Variants in SLC26A7 observed in about 807,000 individuals in gnomAD.
SLC26A7 encodes solute carrier family 26 member 7, also known as anion exchange transporter.
SLC26A7 carries 59 observed loss-of-function variants against 82.5 expected under a neutral mutation model. The observed-to-expected ratio is 0.72, with a 90% confidence interval of 0.58 to 0.89. The LOEUF (loss-of-function observed/expected upper bound fraction) is 0.89, where lower values mean the gene tolerates loss of function less well. Ranked by LOEUF, SLC26A7 falls within the 40% of genes least tolerant of loss-of-function variation. The pLI is 0.00. For synonymous variants in SLC26A7, 271 were observed against 274.3 expected, an observed-to-expected ratio of 0.99 and a Z score of 0.12; for missense variants, 820 against 793.0, an observed-to-expected ratio of 1.03 and a Z score of -0.41.
At chr8:91,264,450 C>T (rs1391698067) in intron 2 of SLC26A7, among the ~76,000 whole-genome samples, 1 of 152,034 alleles carries the variant, frequency 6.6e-6, no homozygotes, top group Non-Finnish European at 1.5e-5. Flanking sequence ...TCATGGGAAC[C>T]TGCAGAATAG....
intron 13 of SLC26A7, among the ~76,000 whole-genome samples, chr8:91,365,124 T>G (rs1814155753): frequency 6.6e-6 from 1 of 151,888 alleles, no homozygotes; most frequent in African/African-American, 2.4e-5. Flanking sequence ...GATAATTTCT[T>G]TTCTAGAACA....
chr8:91,265,278 A>G (rs1811080693), intron 2 of SLC26A7, among the ~76,000 whole-genome samples: 1 of 151,914 alleles, frequency 6.6e-6, no homozygotes. Flanking sequence ...TTCTTTATTC[A>G]TTTGTCTGTT....
At chr8:91,339,684 C>G (rs1353787219) in intron 7 of SLC26A7, among the ~76,000 whole-genome samples, 1 of 150,246 alleles carries the variant, frequency 6.7e-6, no homozygotes, top group Non-Finnish European at 1.5e-5. Context: ...TTGGGTAAGT[C>G]TCCCAAAGAA....
intron 4 of SLC26A7, among the ~76,000 whole-genome samples, chr8:91,300,675 G>A (rs1812142278): frequency 6.6e-6 from 1 of 152,188 alleles, no homozygotes; most frequent in African/African-American, 2.4e-5. Flanking sequence ...GGGATTACAG[G>A]CGTGAGCCAC....
chr8:91,315,200 T>C (rs147323322), intron 4 of SLC26A7, among the ~76,000 whole-genome samples: 2,052 of 152,316 alleles, frequency 0.013, 15 homozygotes, highest in Non-Finnish European at 0.02. Flanking sequence ...ATAAATTCCA[T>C]GTATGCACAC....
chr8:91,260,407 T>G (rs1395989886), intron 2 of SLC26A7, among the ~76,000 whole-genome samples: 1 of 152,108 alleles, frequency 6.6e-6, no homozygotes, highest in Admixed American at 6.5e-5. Flanking sequence ...CAATTTGAGA[T>G]GAGATTTAGG....
chr8:91,371,030 G>A (rs1277906816), intron 15 of SLC26A7, among the ~76,000 whole-genome samples: 1 of 151,748 alleles, frequency 6.6e-6, no homozygotes, highest in Non-Finnish European at 1.5e-5. Flanking sequence ...TTTTAAAAAT[G>A]TTACTAATGG....
At chr8:91,354,766 A>C (rs984368563) in intron 11 of SLC26A7, among the ~76,000 whole-genome samples, 2 of 152,144 alleles carry the variant, frequency 1.3e-5, no homozygotes, top group Non-Finnish European at 2.9e-5. Flanking sequence ...CCACCAGTTC[A>C]TTATATAATG....
chr8:91,279,125 G>GTATA (rs55869816), intron 2 of SLC26A7, among the ~76,000 whole-genome samples: 4,738 of 110,342 alleles, frequency 0.043, 113 homozygotes, highest in East Asian at 0.075. Context: ...GTGTGTGTGT[G>GTATA]TATATATATA....
At chr8:91,215,977 A>G (rs1810038900) in intron 1 of SLC26A7, among the ~76,000 whole-genome samples, 1 of 152,226 alleles carries the variant, frequency 6.6e-6, no homozygotes, top group African/African-American at 2.4e-5. Flanking sequence ...ATGTTATGCA[A>G]ACATTACTAG....
At chr8:91,363,622 A>G (rs1381487483) in intron 13 of SLC26A7, 84 bp downstream of exon 13, 1 of 733,490 alleles carries the variant, frequency 1.4e-6, no homozygotes, top group Non-Finnish European at 2.2e-6. Flanking sequence ...AAAATTAGAT[A>G]AATTATGATA....
Position 91,343,433 on chromosome 8 carries a change from G to A in SLC26A7, c.1107G>A (p.Thr369=), listed in dbSNP as rs751800375. ...CIPSAAAMGR[T]AGLYSTGAKT... ...CAAGTGCTGCTGCCATGGGAAGGAC[G>A]GCTGGCCTGTACAGCACAGGAGCGA... The change falls in exon 9 of 19, where the codon ACG becomes ACA. Residue 369 remains threonine, a synonymous_variant. Transcript: ENST00000276609. 7 of 1,612,482 alleles carry A rather than the reference G, an allele frequency of 4.3e-6. No homozygotes were observed. The highest frequency in any genetic ancestry group is 3.3e-5 in the South Asian group (3 of 91,052).
intron 15 of SLC26A7, 83 bp from the exon 16 acceptor site, chr8:91,389,255 T>A: frequency 1.1e-6 from 1 of 887,832 alleles, no homozygotes; most frequent in Non-Finnish European, 1.9e-6. Context: ...ATGAGGCCAC[T>A]GTTACCCTCC....
In SLC26A7 at chr8:91,363,427, G is replaced by T. The variant is rs368324705; in HGVS notation, c.1422-45G>T. 4.7e-5 allele frequency: 57 copies of T among 1,217,152 alleles called. 1 individual carries two copies. Among genetic ancestry groups the T allele is most frequent in the Non-Finnish European group, 6.6e-5 (56 of 849,252 alleles). 75.4% of individuals were successfully genotyped at this position (1,217,152 alleles called of 1,614,324 possible). A position where few individuals can be genotyped will look rare whatever the true frequency, so the allele number is the denominator to read the frequency against. ...TTGGTTTCTTCATTGTTTATATAAT[G>T]ATTAGGAAATGACTTGTTTTATTTT... is the stretch of plus-strand genomic sequence containing the variant. On this transcript the variant is annotated intron_variant, in intron 12 of 18. Transcript: ENST00000276609.
chr8:91,275,082 C>T (rs527441015), intron 2 of SLC26A7, among the ~76,000 whole-genome samples: 1 of 152,256 alleles, frequency 6.6e-6, no homozygotes, highest in South Asian at 2.1e-4. Flanking sequence ...CCCTCACCCT[C>T]ATCTATCTGG....
Position 91,362,450 on chromosome 8 carries a change from G to A in SLC26A7, c.1412G>A (p.Arg471His), listed in dbSNP as rs916103823. 14 of 1,611,666 alleles carry A rather than the reference G, an allele frequency of 8.7e-6. No homozygotes were observed. The highest frequency in any genetic ancestry group is 5.3e-5 in the African/African-American group (4 of 74,938). The change falls in exon 12 of 19, where the codon CGC (arginine) becomes CAC (histidine). Residue 471 changes from arginine to histidine, a missense_variant. Transcript: ENST00000276609. ...VVCTIAIVIG[R>H]FPRAMTVSIK... ...TGTACCATAGCTATAGTGATAGGAC[G>A]CTTCCCAAGGTAGGATCCTATGTAA...
At chr8:91,279,125 GTATATATATA>G (rs55869816) in intron 2 of SLC26A7, among the ~76,000 whole-genome samples, 5,869 of 111,154 alleles carry the variant, frequency 0.053, 189 homozygotes, top group Non-Finnish European at 0.062. Flanking sequence ...GTGTGTGTGT[GTATATATATA>G]TATATATATA....
chr8:91,240,723 T>C (rs1247127156), intron 2 of SLC26A7, among the ~76,000 whole-genome samples: 1 of 152,240 alleles, frequency 6.6e-6, no homozygotes, highest in Middle Eastern at 3.4e-3. Flanking sequence ...AGGTTTTCAG[T>C]TGTGGAATGA....
chr8:91,330,304 C>T (rs1221776712), intron 5 of SLC26A7, among the ~76,000 whole-genome samples: 1 of 152,188 alleles, frequency 6.6e-6, no homozygotes, highest in Non-Finnish European at 1.5e-5. Flanking sequence ...AATTCAGGCT[C>T]AACCTGATGC....
Sources: gnomAD v4.1 joint callset for allele counts (sites outside exome capture counted in the v4.1 genomes callset) on GRCh38, gnomAD v4.1.1 for gene constraint, MANE v1.5 for transcripts, NCBI Gene and HGNC (gene_info 2026-07-23, HGNC 2026-07-21) for gene names.